Variants in ACOX1 observed in about 807,000 individuals in gnomAD.
ACOX1 encodes acyl-CoA oxidase 1.
In ACOX1, 41 loss-of-function variants were observed where a neutral mutation model predicts 75.5. The ratio of observed to expected loss-of-function variants is 0.54; its 90% CI spans 0.42 to 0.70. The LOEUF (loss-of-function observed/expected upper bound fraction) is 0.70, where lower values mean the gene tolerates loss of function less well. Ranked by LOEUF, ACOX1 falls within the 30% of genes least tolerant of loss-of-function variation. The pLI, the probability that ACOX1 is intolerant of heterozygous loss-of-function variation, is 0.00. For missense variants in ACOX1, 630 were observed against 837.5 expected, an observed-to-expected ratio of 0.75 and a Z score of 3.06; for synonymous variants, 303 against 298.8, an observed-to-expected ratio of 1.01 and a Z score of -0.15.
chr17:75,946,803 G>A lies in ACOX1; in HGVS notation c.1936-8C>T, dbSNP rs763038576. On this transcript the variant is annotated splice_region_variant and splice_polypyrimidine_tract_variant and intron_variant, in intron 13 of 13. Coordinates refer to ENST00000293217, the MANE Select transcript of ACOX1 (RefSeq NM_004035.7). ...CTTGTAAGATTCGTGGACCTGTGGG[G>A]AAAGGAGAGAGAAGAACTACTAATA... 4 of 1,612,916 alleles carry A rather than the reference G, an allele frequency of 2.5e-6. No individual in the cohort carries two copies. The highest frequency in any genetic ancestry group is 3.4e-6 in the Non-Finnish European group (4 of 1,179,048).
In ACOX1 at chr17:75,950,252, CT is replaced by C. The variant is rs544337292; in HGVS notation, c.1299-356del. On this transcript the variant is annotated intron_variant, in intron 9 of 13. Transcript: ENST00000293217. The surrounding 1 kb of genome is among the most constrained non-coding windows in gnomAD (Gnocchi z 4.3). Reference sequence around the variant, plus strand: ...ACAGGAGTAAGCCACCACACCTGGCCTTTTTTTTTTTGATGGAGTTTTCGCT... The same window carrying C: ...ACAGGAGTAAGCCACCACACCTGGCCTTTTTTTTTTGATGGAGTTTTCGCT... Among the ~76,000 whole-genome samples the C allele has an allele frequency of 1.1e-3, 163 of 142,084 alleles. No homozygotes were observed. The highest frequency in any genetic ancestry group is 1.1e-3 in the Non-Finnish European group (73 of 64,600). 93.2% of individuals were successfully genotyped at this position (142,084 alleles called of 152,430 possible).
Position 75,953,258 on chromosome 17 carries a change from T to C in ACOX1, c.944+193A>G, listed in dbSNP as rs972518324. The C allele has an allele frequency of 6.9e-6, 4 of 582,028 alleles. No individual in the cohort carries two copies. The African/African-American group carries it at 7.5e-5, about 11-fold the overall frequency. The allele number at this position is 582,028 out of a possible 1,614,324, so 36.1% of individuals were successfully genotyped here. On this transcript the variant is annotated intron_variant, in intron 7 of 13. Transcript: ENST00000293217. ...TTTCTTTTTTGGCAGTCACTGATTA[T>C]AGCAAGGGTGGTTATTTCTGTCTTT...
At chr17:75,959,550 T>C (rs1370038160) in intron 3 of ACOX1, among the ~76,000 whole-genome samples, 2 of 152,014 alleles carry the variant, frequency 1.3e-5, no homozygotes, top group Non-Finnish European at 2.9e-5. Context: ...TCAGAGAAGA[T>C]ACAAAGAGGA....
In ACOX1 at chr17:75,955,832, C is replaced by T. The variant is rs146257039; in HGVS notation, c.654G>A (p.Leu218=). 17 of 1,614,004 alleles carry T rather than the reference C, an allele frequency of 1.1e-5. No individual in the cohort carries two copies. Among genetic ancestry groups the T allele is most frequent in the Non-Finnish European group, 1.4e-5 (16 of 1,180,038 alleles). The change falls in exon 5 of 14, where the codon TTG becomes TTA. Residue 218 remains leucine (L), a synonymous_variant. Transcript: ENST00000293217. ...PIREIGTHKP[L]PGITVGDIGP... is the part of the protein sequence containing the mutation. ...CATCAGATGAACAGTTCTTACCTGG[C>T]AAAGGCTTATGGGTCCCGATTTCAC... is the stretch of plus-strand genomic sequence containing the variant.
intron 2 of ACOX1, among the ~76,000 whole-genome samples, chr17:75,965,115 A>G (rs770996304): frequency 6.6e-4 from 101 of 152,146 alleles, no homozygotes; most frequent in Non-Finnish European, 1.0e-3. Context: ...AGGAGGGCGC[A>G]TCACGAGGTC....
In ACOX1 at chr17:75,950,230, G is replaced by A. The variant is rs966807552; in HGVS notation, c.1299-333C>T. 2.0e-5 allele frequency among the ~76,000 whole-genome samples: 3 copies of A among 151,818 alleles called. No individual in the cohort carries two copies. Among genetic ancestry groups the A allele is most frequent in the African/African-American group, 7.3e-5 (3 of 41,264 alleles). On this transcript the variant is annotated intron_variant, in intron 9 of 13. Coordinates refer to ENST00000293217, the MANE Select transcript of ACOX1 (RefSeq NM_004035.7). The surrounding 1 kb of genome is among the most constrained non-coding windows in gnomAD (Gnocchi z 4.3). ...GGCGTCCCAAAGTGCTGGGATTACA[G>A]GAGTAAGCCACCACACCTGGCCTTT... is the stretch of plus-strand genomic sequence containing the variant.
chr17:75,943,739 C>T lies in ACOX1; in HGVS notation c.*3009G>A, dbSNP rs2065695358. 1 of 152,186 alleles carries T rather than the reference C, an allele frequency of 6.6e-6. No individual in the cohort carries two copies. The highest frequency in any genetic ancestry group is 1.5e-5 in the Non-Finnish European group (1 of 68,032). 9.4% of individuals were successfully genotyped at this position (152,186 alleles called of 1,614,324 possible). On this transcript the variant is annotated 3_prime_UTR_variant, in exon 14 of 14. Transcript: ENST00000293217. ...GGCCCCAAAGCCTGTGTCATCAACT[C>T]TGCTTTGAGGTCACTAATTTTTAAA...
chr17:75,973,356 G>A (rs753038631), intron 2 of ACOX1: 3 of 485,592 alleles, frequency 6.2e-6, no homozygotes, highest in African/African-American at 5.8e-5. Context: ...TAACATAATG[G>A]GGTTCCCCGC....
intron 3 of ACOX1, among the ~76,000 whole-genome samples, chr17:75,958,363 A>AAAAAAGAAAAAG (rs1022169774): frequency 6.8e-6 from 1 of 147,342 alleles, no homozygotes; most frequent in African/African-American, 2.5e-5. Context: ...AAAAAAAAAA[A>AAAAAAGAAAAAG]AAAAAGAAAA....
chr17:75,968,782 C>T (rs1218510641), intron 2 of ACOX1, among the ~76,000 whole-genome samples: 2 of 151,196 alleles, frequency 1.3e-5, no homozygotes, highest in African/African-American at 2.4e-5. Context: ...AGTAGCCGGG[C>T]GTGGTGGCGC....
intron 2 of ACOX1, among the ~76,000 whole-genome samples, chr17:75,961,465 CAA>C (rs142857967): frequency 0.043 from 2,182 of 50,828 alleles, 25 homozygotes; most frequent in Non-Finnish European, 0.056. Flanking sequence ...ACTAAAAATA[CAA>C]AAAAAAAAAA....
At chr17:75,972,250 C>T (rs1157792039) in intron 2 of ACOX1, among the ~76,000 whole-genome samples, 1 of 150,528 alleles carries the variant, frequency 6.6e-6, no homozygotes. Context: ...TGGCGTGAAC[C>T]CAGGAGGCGG....
At position 75,960,489 on chromosome 17, in the gene ACOX1, T is replaced by C. The variant is rs1334685433; in HGVS notation, c.270-114A>G. The C allele has an allele frequency of 7.0e-6, 7 of 1,006,622 alleles. No homozygotes were observed. The highest frequency in any genetic ancestry group is 1.1e-5 in the Non-Finnish European group (7 of 662,638). 62.4% of individuals were successfully genotyped at this position (1,006,622 alleles called of 1,614,324 possible). On this transcript the variant is annotated intron_variant, in intron 2 of 13. Coordinates refer to ENST00000293217, the MANE Select transcript of ACOX1 (RefSeq NM_004035.7). The surrounding 1 kb of genome is among the most constrained non-coding windows in gnomAD (Gnocchi z 4.4). Reference sequence around the variant, plus strand: ...CAAAAAAACCTTAAGTATGAATTAGTTGCGTGCACTTAATCATAGATGGGA... The same window carrying C: ...CAAAAAAACCTTAAGTATGAATTAGCTGCGTGCACTTAATCATAGATGGGA...
chr17:75,978,452 G>A lies in ACOX1; in HGVS notation c.269+82C>T, dbSNP rs896113694. On this transcript the variant is annotated intron_variant, in intron 2 of 13. Transcript: ENST00000293217. This position sits in a 1 kb window ranked among gnomAD's most constrained non-coding sequence, Gnocchi z 4.2. ...GCCAGTTTGCATCTTCAAACACCAA[G>A]CACGGTGATGAAAGGCCACCATAGA... The A allele has an allele frequency of 4.5e-6, 7 of 1,549,352 alleles. No individual in the cohort carries two copies. Among genetic ancestry groups the A allele is most frequent in the African/African-American group, 1.4e-5 (1 of 73,538 alleles).
At chr17:75,961,893 T>C (rs920861577) in intron 2 of ACOX1, among the ~76,000 whole-genome samples, 1 of 152,006 alleles carries the variant, frequency 6.6e-6, no homozygotes, top group Non-Finnish European at 1.5e-5. Context: ...AACAGAGAAT[T>C]TGAGTGGTAC....
intron 4 of ACOX1, 108 bp from the exon 5 acceptor site, chr17:75,956,055 T>C (rs2065821834): frequency 6.8e-7 from 1 of 1,462,750 alleles, no homozygotes; most frequent in African/African-American, 1.4e-5. Flanking sequence ...ACTAAACCAA[T>C]AGTATGTGTC....
At chr17:75,957,430 A>G in intron 4 of ACOX1, 29 bp downstream of exon 4, 1 of 1,562,236 alleles carries the variant, frequency 6.4e-7, no homozygotes, top group Non-Finnish European at 8.8e-7. Flanking sequence ...CCTTCAAAAC[A>G]TCCAATAAAT....
At chr17:75,957,402 G>A (rs1326736806) in intron 4 of ACOX1, 57 bp downstream of exon 4, 6 of 1,469,858 alleles carry the variant, frequency 4.1e-6, no homozygotes, top group Non-Finnish European at 5.7e-6. Context: ...TACATTCTAA[G>A]CAAAATCTCA....
intron 12 of ACOX1, 119 bp downstream of exon 12, chr17:75,949,098 A>C (rs540177918): frequency 8.6e-7 from 1 of 1,165,686 alleles, no homozygotes; most frequent in Admixed American, 1.8e-5. Flanking sequence ...TCAAGTGATC[A>C]CCGTACCCGC....
Sources: gnomAD v4.1 joint callset for allele counts (sites outside exome capture counted in the v4.1 genomes callset) on GRCh38, gnomAD v4.1.1 for gene constraint, Gnocchi (gnomAD v3.1) non-coding constraint, MANE v1.5 for transcripts, NCBI Gene and HGNC (gene_info 2026-07-23, HGNC 2026-07-21) for gene names.